CEP57L1: variants seen among roughly 807,000 people sequenced by gnomAD.
CEP57L1 encodes the protein centrosomal protein 57 like 1.
A neutral mutation model predicts 61.0 loss-of-function variants in CEP57L1; 37 were observed. That is an observed-to-expected ratio of 0.61 (90% CI 0.47 to 0.80). The LOEUF is 0.80. Among genes scored for constraint, CEP57L1 ranks in the 30% least tolerant of loss-of-function variants. CEP57L1 has a pLI of 0.00. For synonymous variants in CEP57L1, 137 were observed against 162.3 expected (o/e 0.84, Z 1.19); for missense variants, 422 against 524.7 (o/e 0.80, Z 1.91).
intron 1 of CEP57L1, among the ~76,000 whole-genome samples, chr6:109,141,535 C>T (rs1583567737): frequency 6.6e-6 from 1 of 152,180 alleles, no homozygotes; most frequent in East Asian, 1.9e-4. Context: ...ATAGCTGAAT[C>T]CCATTGAAGT....
rs139058050 is a variant in CEP57L1 at position 109,137,574 on chromosome 6, A to G, written c.-3-7645A>G. Among the ~76,000 whole-genome samples, 1,095 of 152,330 alleles carry G rather than the reference A, an allele frequency of 7.2e-3. 11 individuals are homozygous for G. Among genetic ancestry groups the G allele is most frequent in the African/African-American group, 0.025 (1,029 of 41,568 alleles). On this transcript the variant is annotated intron_variant, in intron 1 of 10. Coordinates refer to ENST00000517392, the MANE Select transcript of CEP57L1 (RefSeq NM_001271852.3). ...TCTGGCCTCCCAAAGTGCTGGGATT[A>G]CAGGTGTGAGCCACCGCTCCCAGCC...
intron 1 of CEP57L1, among the ~76,000 whole-genome samples, chr6:109,144,692 G>A (rs1009277806): frequency 4.6e-5 from 7 of 152,186 alleles, no homozygotes; most frequent in African/African-American, 1.4e-4. Flanking sequence ...AATACATTAA[G>A]CAGAGGTGTG....
intron 1 of CEP57L1, among the ~76,000 whole-genome samples, chr6:109,132,700 A>G (rs773863092): frequency 7.2e-5 from 11 of 152,212 alleles, no homozygotes; most frequent in Non-Finnish European, 1.3e-4. Flanking sequence ...AAATTGTTTT[A>G]AAATTGGTAC....
intron 3 of CEP57L1, among the ~76,000 whole-genome samples, chr6:109,149,222 AG>A (rs1330535764): frequency 6.6e-6 from 1 of 152,166 alleles, no homozygotes; most frequent in East Asian, 1.9e-4. Context: ...GGTAATGCCT[AG>A]GTTTTCTTCT....
In CEP57L1 at chr6:109,146,952, A is replaced by G. The variant is rs1311838706; in HGVS notation, c.340+15A>G. 8 of 1,591,944 alleles carry G rather than the reference A, an allele frequency of 5.0e-6. No individual in the cohort carries two copies. Among genetic ancestry groups the G allele is most frequent in the Middle Eastern group, 1.7e-4 (1 of 6,036 alleles). ...GCAGAAAAAAGGTAAGAAATGCAGT[A>G]GTTCTCAGAAACCGGGGGTTACTGG... On this transcript the variant is annotated intron_variant, in intron 3 of 10. Transcript: ENST00000517392.
At chr6:109,101,809 CG>C (rs1782461148) in intron 1 of CEP57L1, among the ~76,000 whole-genome samples, 1 of 151,864 alleles carries the variant, frequency 6.6e-6, no homozygotes, top group Non-Finnish European at 1.5e-5. Context: ...TTAGTAGAGA[CG>C]GGGTTTCACC....
chr6:109,115,267 G>A (rs1772139092), intron 1 of CEP57L1, among the ~76,000 whole-genome samples: 1 of 151,768 alleles, frequency 6.6e-6, no homozygotes, highest in Non-Finnish European at 1.5e-5. Context: ...GGAGAGAAAA[G>A]AGAGAAATGA....
Position 109,163,024 on chromosome 6 carries a change from T to C in CEP57L1, c.*54T>C. On this transcript the variant is annotated 3_prime_UTR_variant, in exon 11 of 11. Coordinates refer to ENST00000517392, the MANE Select transcript of CEP57L1 (RefSeq NM_001271852.3). The stretch of plus-strand genomic sequence containing the variant: ...ACTTTGTCAGTGAGACCTTGAATTG[T>C]CTAAAGTGGTTTTAATTTAATATAA... 3 of 1,092,288 alleles carry C rather than the reference T, an allele frequency of 2.7e-6. No homozygotes were observed. Among genetic ancestry groups the C allele is most frequent in the South Asian group, 2.8e-5 (2 of 71,822 alleles). The allele number at this position is 1,092,288 out of a possible 1,614,324, so 67.7% of individuals were successfully genotyped here.
At chr6:109,135,987 C>T (rs1419829420) in intron 1 of CEP57L1, among the ~76,000 whole-genome samples, 1 of 152,066 alleles carries the variant, frequency 6.6e-6, no homozygotes, top group Non-Finnish European at 1.5e-5. Flanking sequence ...CTAGTTCAAC[C>T]ATTGTGGAAG....
intron 4 of CEP57L1, 58 bp from the exon 5 acceptor site, chr6:109,153,775 G>T (rs1772915615): frequency 1.1e-6 from 1 of 884,112 alleles, no homozygotes; most frequent in Admixed American, 1.9e-5. Context: ...TATTATTCTT[G>T]TTCCATTGGC....
At position 109,169,826 on chromosome 6, in the gene CEP57L1, T is replaced by C. The variant is rs889731502; in HGVS notation, c.*6856T>C. Among the ~76,000 whole-genome samples the C allele has an allele frequency of 2.6e-5, 4 of 152,184 alleles. No homozygotes were observed. The highest frequency in any genetic ancestry group is 4.4e-5 in the Non-Finnish European group (3 of 68,040). On this transcript the variant is annotated 3_prime_UTR_variant, in exon 11 of 11. Coordinates refer to ENST00000517392, the MANE Select transcript of CEP57L1 (RefSeq NM_001271852.3). ...CTGAAGAGAGCAAAGATCTGTTATTTGACAAACCCTATTTTTCCGAGCATC... is the reference window on the plus strand; with the variant it reads ...CTGAAGAGAGCAAAGATCTGTTATTCGACAAACCCTATTTTTCCGAGCATC...
At chr6:109,129,335 A>T in intron 1 of CEP57L1, 1 of 1,159,708 alleles carries the variant, frequency 8.6e-7, no homozygotes, top group Non-Finnish European at 1.1e-6. Flanking sequence ...ACTTGGATAT[A>T]ATAATATAGA....
intron 1 of CEP57L1, among the ~76,000 whole-genome samples, chr6:109,140,268 G>C (rs562884894): frequency 6.6e-6 from 1 of 151,786 alleles, no homozygotes; most frequent in East Asian, 1.9e-4. Flanking sequence ...CTATTATGAC[G>C]TTAGTAGTTT....
intron 1 of CEP57L1, among the ~76,000 whole-genome samples, chr6:109,141,561 G>A (rs908117659): frequency 9.9e-5 from 15 of 151,924 alleles, no homozygotes; most frequent in African/African-American, 3.6e-4. Flanking sequence ...TGTTACATTC[G>A]TGTATTTACT....
intron 7 of CEP57L1, 122 bp downstream of exon 7, chr6:109,155,999 A>G (rs758943590): frequency 2.7e-5 from 14 of 516,716 alleles, no homozygotes; most frequent in African/African-American, 1.8e-4. Flanking sequence ...AAGACATGCA[A>G]TAATGCGTGT....
rs574039468 is a variant in CEP57L1 at position 109,167,473 on chromosome 6, G to A, written c.*4503G>A. On this transcript the variant is annotated 3_prime_UTR_variant, in exon 11 of 11. Transcript: ENST00000517392. ...CGAGGCAGGCGGATCACCTAAGTCA[G>A]GAGTTCAACACCAGCCTGGCCAATG... 6.6e-6 allele frequency among the ~76,000 whole-genome samples: 1 copy of A among 152,156 alleles called. No homozygotes were observed.
chr6:109,134,149 T>C (rs545858907), intron 1 of CEP57L1, among the ~76,000 whole-genome samples: 1 of 152,284 alleles, frequency 6.6e-6, no homozygotes, highest in African/African-American at 2.4e-5. Flanking sequence ...TGAACATCGA[T>C]GCAGAAATCC....
chr6:109,121,152 T>G (rs1443491330), intron 1 of CEP57L1, among the ~76,000 whole-genome samples: 1 of 152,202 alleles, frequency 6.6e-6, no homozygotes, highest in African/African-American at 2.4e-5. Context: ...TAGCAGTGGT[T>G]GTTTGTATAA....
Position 109,144,240 on chromosome 6 carries a change from C to T in CEP57L1, c.-3-979C>T, listed in dbSNP as rs116260701. 7.9e-3 allele frequency among the ~76,000 whole-genome samples: 1,204 copies of T among 152,204 alleles called. 20 individuals are homozygous for T. The highest frequency in any genetic ancestry group is 0.028 in the African/African-American group (1,154 of 41,536). ...GTGCCTTCTGCCCTTCCAGAAAATA[C>T]TATCCTGGGAAGTGCCTGCCTTTGC... On this transcript the variant is annotated intron_variant, in intron 1 of 10. Coordinates refer to ENST00000517392, the MANE Select transcript of CEP57L1 (RefSeq NM_001271852.3).
Sources: allele counts gnomAD v4.1 joint callset (sites outside exome capture counted in the v4.1 genomes callset), GRCh38; gene constraint gnomAD v4.1.1; transcripts MANE v1.5; gene names NCBI Gene and HGNC (gene_info 2026-07-23, HGNC 2026-07-21).